The following ARHGAP10 variants were observed in gnomAD, a reference collection of about 807,000 sequenced individuals.
ARHGAP10 encodes Rho GTPase activating protein 10.
Under a neutral mutation model 108.6 loss-of-function variants are expected in ARHGAP10, and 87 were observed. The ratio of observed to expected loss-of-function variants is 0.80; its 90% CI spans 0.67 to 0.96. ARHGAP10 has a LOEUF of 0.96. Among genes scored for constraint, ARHGAP10 ranks in the 40% least tolerant of loss-of-function variants. The probability of loss-of-function intolerance (pLI) is 0.00; values close to 1 mark genes in which losing one functional copy is unlikely to be tolerated. For synonymous variants in ARHGAP10, 347 were observed against 341.1 expected (o/e 1.02, Z -0.19); for missense variants, 939 against 954.5 (o/e 0.98, Z 0.21).
At chr4:147,876,796 T>C (rs1735083588) in intron 8 of ARHGAP10, among the ~76,000 whole-genome samples, 1 of 152,324 alleles carries the variant, frequency 6.6e-6, no homozygotes, top group Admixed American at 6.5e-5. Flanking sequence ...TACCCAGCAC[T>C]GTGCTAAATT....
chr4:147,844,722 C>A (rs892931558), intron 3 of ARHGAP10, among the ~76,000 whole-genome samples: 4 of 152,180 alleles, frequency 2.6e-5, no homozygotes, highest in African/African-American at 9.7e-5. Context: ...CTGCAAATAT[C>A]TCTCAAATCT....
At chr4:147,899,314 TGTGTGTGTGCATGC>T (rs1560816569) in intron 10 of ARHGAP10, among the ~76,000 whole-genome samples, 1 of 151,954 alleles carries the variant, frequency 6.6e-6, no homozygotes, top group Non-Finnish European at 1.5e-5. Flanking sequence ...CTGGGGTGTG[TGTGTGTGTGCATGC>T]GTGTGTGTGT....
intron 5 of ARHGAP10, chr4:147,862,703 TACAGTAGCAAGAACA>T (rs1043345558): frequency 6.6e-6 from 1 of 152,222 alleles, no homozygotes; most frequent in Non-Finnish European, 1.5e-5. Flanking sequence ...CAAGGGTAAT[TACAGTAGCAAGAACA>T]ACCAGGAGAG....
At chr4:147,961,202 A>C (rs1213968539) in intron 16 of ARHGAP10, among the ~76,000 whole-genome samples, 1 of 152,202 alleles carries the variant, frequency 6.6e-6, no homozygotes, top group Non-Finnish European at 1.5e-5. Context: ...CAGTTGCCTC[A>C]TGTCCTTGCC....
chr4:148,004,769 C>T (rs915223016), intron 18 of ARHGAP10, among the ~76,000 whole-genome samples: 1 of 152,228 alleles, frequency 6.6e-6, no homozygotes, highest in African/African-American at 2.4e-5. Flanking sequence ...GCTTGGCTGA[C>T]ACCTTGATTA....
chr4:147,749,349 A>G (rs1202430674), intron 1 of ARHGAP10, among the ~76,000 whole-genome samples: 1 of 152,230 alleles, frequency 6.6e-6, no homozygotes, highest in East Asian at 1.9e-4. Flanking sequence ...CCAAGAAAAT[A>G]TTTAAAGAAT....
intron 1 of ARHGAP10, among the ~76,000 whole-genome samples, chr4:147,790,959 A>G (rs1225258489): frequency 6.6e-6 from 1 of 152,128 alleles, no homozygotes; most frequent in Non-Finnish European, 1.5e-5. Context: ...TTCTATAAGT[A>G]ACCACTATTG....
At chr4:147,929,575 A>G (rs1378265225) in intron 13 of ARHGAP10, among the ~76,000 whole-genome samples, 1 of 152,202 alleles carries the variant, frequency 6.6e-6, no homozygotes, top group East Asian at 1.9e-4. Flanking sequence ...AGTTATAAAT[A>G]TATGTAAGGA....
chr4:148,045,599 G>A (rs952562071), intron 19 of ARHGAP10, among the ~76,000 whole-genome samples: 6 of 152,038 alleles, frequency 3.9e-5, no homozygotes, highest in Non-Finnish European at 5.9e-5. Flanking sequence ...TTAGCCGGGC[G>A]TGGTGGTGCA....
intron 18 of ARHGAP10, among the ~76,000 whole-genome samples, chr4:148,022,596 G>C (rs1741609552): frequency 6.6e-6 from 1 of 152,146 alleles, no homozygotes; most frequent in African/African-American, 2.4e-5. Flanking sequence ...CTAAGCAAAG[G>C]AGCAGCACAT....
At chr4:147,837,650 T>TTTTTGTTTTTTTTTTTG (rs1553955210) in intron 3 of ARHGAP10, among the ~76,000 whole-genome samples, 1 of 112,006 alleles carries the variant, frequency 8.9e-6, no homozygotes, top group Non-Finnish European at 1.8e-5. Context: ...ACTGTTTTTT[T>TTTTTGTTTTTTTTTTTG]TTTTTTTTTT....
chr4:147,769,923 A>T (rs1730003656), intron 1 of ARHGAP10, among the ~76,000 whole-genome samples: 1 of 152,212 alleles, frequency 6.6e-6, no homozygotes, highest in African/African-American at 2.4e-5. Flanking sequence ...GGAGTACTTC[A>T]TTGAGCTAAG....
intron 18 of ARHGAP10, among the ~76,000 whole-genome samples, chr4:147,981,617 C>T (rs961841255): frequency 3.9e-5 from 6 of 152,184 alleles, no homozygotes; most frequent in Admixed American, 2.6e-4. Context: ...TGTTCATTTT[C>T]TGCCTCTGTG....
intron 1 of ARHGAP10, among the ~76,000 whole-genome samples, chr4:147,813,676 A>G (rs1732121041): frequency 6.6e-6 from 1 of 152,220 alleles, no homozygotes; most frequent in Non-Finnish European, 1.5e-5. Flanking sequence ...AAGTTAGGTT[A>G]ATGGCAGAGG....
intron 5 of ARHGAP10, chr4:147,863,511 A>G (rs564125062): frequency 3.6e-4 from 55 of 152,292 alleles, no homozygotes; most frequent in African/African-American, 1.3e-3. Flanking sequence ...ATCCATGGGC[A>G]TTGGGGTCAC....
At chr4:147,906,149 T>C (rs1736479330) in intron 10 of ARHGAP10, among the ~76,000 whole-genome samples, 1 of 152,166 alleles carries the variant, frequency 6.6e-6, no homozygotes, top group African/African-American at 2.4e-5. Flanking sequence ...TATTCATATG[T>C]ATATTCCATA....
chr4:147,829,306 C>T (rs925898009), intron 3 of ARHGAP10, among the ~76,000 whole-genome samples: 1 of 151,680 alleles, frequency 6.6e-6, no homozygotes, highest in African/African-American at 2.4e-5. Context: ...CCTGCCTCGA[C>T]CCCCCCATCG....
At chr4:148,071,275 C>T (rs935640525) in intron 22 of ARHGAP10, among the ~76,000 whole-genome samples, 8 of 152,216 alleles carry the variant, frequency 5.3e-5, no homozygotes, top group South Asian at 2.1e-4. Context: ...CCTGGAGGGG[C>T]GGCTGGAGCC....
chr4:147,929,573 A>G (rs1737589868), intron 13 of ARHGAP10, among the ~76,000 whole-genome samples: 1 of 152,200 alleles, frequency 6.6e-6, no homozygotes, highest in South Asian at 2.1e-4. Flanking sequence ...CTAGTTATAA[A>G]TATATGTAAG....
Sources: allele counts gnomAD v4.1 joint callset (sites outside exome capture counted in the v4.1 genomes callset), GRCh38; gene constraint gnomAD v4.1.1; transcripts MANE v1.5; gene names NCBI Gene and HGNC (gene_info 2026-07-23, HGNC 2026-07-21).